Variants in KHDRBS2 observed in about 807,000 individuals in gnomAD.
The protein encoded by KHDRBS2 is KH domain-containing, RNA-binding, signal transduction-associated protein 2.
In KHDRBS2, 26 loss-of-function variants were observed where a neutral mutation model predicts 44.3. The observed-to-expected ratio is 0.59, with a 90% confidence interval of 0.43 to 0.81. KHDRBS2 has a LOEUF of 0.81. Ranked by LOEUF, KHDRBS2 falls within the 40% of genes least tolerant of loss-of-function variation. The probability of loss-of-function intolerance (pLI) is 0.00; values close to 1 mark genes in which losing one functional copy is unlikely to be tolerated. For missense variants in KHDRBS2, 476 were observed against 433.1 expected, an observed-to-expected ratio of 1.10 and a Z score of -0.88; for synonymous variants, 194 against 151.1, an observed-to-expected ratio of 1.28 and a Z score of -2.08.
chr6:61,610,885 CTT>C, the KHDRBS2 span, among the ~76,000 whole-genome samples: 351 of 152,280 alleles, frequency 2.3e-3, 1 homozygote, highest in African/African-American at 8.0e-3. Flanking sequence ...GGAATCCACT[CTT>C]ATAACTTAAT....
At chr6:61,928,224 C>T (rs1206230794) in intron 4 of KHDRBS2, among the ~76,000 whole-genome samples, 1 of 152,044 alleles carries the variant, frequency 6.6e-6, no homozygotes, top group Non-Finnish European at 1.5e-5. Flanking sequence ...GCATATAATG[C>T]AACAATTCTT....
At chr6:62,059,954 T>C (rs1449534961) in intron 2 of KHDRBS2, among the ~76,000 whole-genome samples, 2 of 151,836 alleles carry the variant, frequency 1.3e-5, no homozygotes. Context: ...TGCCTAACTA[T>C]GTGCAAGGTA....
chr6:61,556,212 T>C, the KHDRBS2 span, among the ~76,000 whole-genome samples: 1 of 152,128 alleles, frequency 6.6e-6, no homozygotes, highest in Non-Finnish European at 1.5e-5. Flanking sequence ...TGTGTGTGCA[T>C]TAACACCAGC....
intron 1 of KHDRBS2, among the ~76,000 whole-genome samples, chr6:62,237,145 T>C (rs1833835235): frequency 6.6e-6 from 1 of 152,162 alleles, no homozygotes; most frequent in South Asian, 2.1e-4. Context: ...TGGAAGAGAC[T>C]CTAAAATCAC....
At chr6:62,134,938 G>A (rs1811179131) in intron 2 of KHDRBS2, among the ~76,000 whole-genome samples, 1 of 152,122 alleles carries the variant, frequency 6.6e-6, no homozygotes, top group Non-Finnish European at 1.5e-5. Flanking sequence ...CAGGCAGAAG[G>A]GACTTGCCTT....
intron 8 of KHDRBS2, among the ~76,000 whole-genome samples, chr6:61,686,181 C>T (rs565382711): frequency 2.0e-5 from 3 of 151,776 alleles, no homozygotes; most frequent in African/African-American, 7.2e-5. Flanking sequence ...GCTTGTTAAA[C>T]CCACAGCAAA....
At chr6:61,659,275 C>T in the KHDRBS2 span, 1 of 151,690 alleles carries the variant, frequency 6.6e-6, no homozygotes, top group African/African-American at 2.4e-5. Flanking sequence ...CCCTTTGTCC[C>T]CAAGAATTTT....
chr6:62,007,650 A>C (rs1444867903), intron 3 of KHDRBS2, among the ~76,000 whole-genome samples: 1 of 151,636 alleles, frequency 6.6e-6, no homozygotes, highest in East Asian at 1.9e-4. Flanking sequence ...GTAAGGAATA[A>C]ATATATACCA....
chr6:61,663,500 C>T, the KHDRBS2 span, among the ~76,000 whole-genome samples: 14 of 35,988 alleles, frequency 3.9e-4, no homozygotes, highest in South Asian at 2.4e-3. Context: ...CATGAGACAC[C>T]ATATATATAT....
intron 1 of KHDRBS2, among the ~76,000 whole-genome samples, chr6:62,278,590 A>G (rs1421778321): frequency 2.6e-5 from 4 of 152,208 alleles, no homozygotes; most frequent in Non-Finnish European, 4.4e-5. Context: ...AAAATTTCAT[A>G]AAAATATAAA....
chr6:61,629,335 C>G, the KHDRBS2 span, among the ~76,000 whole-genome samples: 2 of 152,064 alleles, frequency 1.3e-5, no homozygotes, highest in Non-Finnish European at 2.9e-5. Flanking sequence ...ATCATTTAAG[C>G]AATATAACAT....
chr6:61,729,626 T>A (rs574177051), intron 7 of KHDRBS2, among the ~76,000 whole-genome samples: 5 of 152,142 alleles, frequency 3.3e-5, no homozygotes, highest in African/African-American at 7.2e-5. Flanking sequence ...CTGTTTAATA[T>A]TAGCCATTCC....
chr6:61,720,533 G>C, intron 7 of KHDRBS2, among the ~76,000 whole-genome samples: 1 of 152,130 alleles, frequency 6.6e-6, no homozygotes, highest in Non-Finnish European at 1.5e-5. Context: ...GGCCAGTGAT[G>C]GTGAACATTT....
intron 4 of KHDRBS2, among the ~76,000 whole-genome samples, chr6:61,911,354 A>G (rs1806015430): frequency 6.6e-6 from 1 of 152,180 alleles, no homozygotes; most frequent in Non-Finnish European, 1.5e-5. Context: ...CTGGGGAGAC[A>G]GTGGAGGAAA....
At chr6:62,034,973 A>C (rs1179354176) in intron 3 of KHDRBS2, among the ~76,000 whole-genome samples, 1 of 152,004 alleles carries the variant, frequency 6.6e-6, no homozygotes, top group Non-Finnish European at 1.5e-5. Flanking sequence ...TATATTCAGT[A>C]GTTGGGCAAT....
At chr6:61,998,810 T>C (rs1240098353) in intron 3 of KHDRBS2, among the ~76,000 whole-genome samples, 1 of 152,090 alleles carries the variant, frequency 6.6e-6, no homozygotes, top group African/African-American at 2.4e-5. Flanking sequence ...TCTGCTTCTC[T>C]TGACCTTTCC....
At chr6:61,615,508 T>C in the KHDRBS2 span, among the ~76,000 whole-genome samples, 1 of 152,168 alleles carries the variant, frequency 6.6e-6, no homozygotes, top group Non-Finnish European at 1.5e-5. Context: ...TAGTGTTATT[T>C]CTTTTTTATA....
chr6:61,907,606 G>A (rs1247426267), intron 4 of KHDRBS2, among the ~76,000 whole-genome samples: 2 of 152,128 alleles, frequency 1.3e-5, no homozygotes, highest in Non-Finnish European at 2.9e-5. Context: ...CAGGAGTCCA[G>A]ATTCATTCTT....
At chr6:62,262,141 GT>G (rs1838450460) in intron 1 of KHDRBS2, among the ~76,000 whole-genome samples, 1 of 151,602 alleles carries the variant, frequency 6.6e-6, no homozygotes, top group African/African-American at 2.4e-5. Flanking sequence ...TTCACATTCT[GT>G]ATCTTCTCTC....
Sources: gnomAD v4.1 joint callset for allele counts (sites outside exome capture counted in the v4.1 genomes callset) on GRCh38, gnomAD v4.1.1 for gene constraint, MANE v1.5 for transcripts, NCBI Gene and HGNC (gene_info 2026-07-23, HGNC 2026-07-21) for gene names.